Variants in ARHGEF4 observed in about 807,000 individuals in gnomAD.
The protein encoded by ARHGEF4 is Rho guanine nucleotide exchange factor 4.
In ARHGEF4, 119 loss-of-function variants were observed where a neutral mutation model predicts 162.0. The ratio of observed to expected loss-of-function variants is 0.73; its 90% CI spans 0.63 to 0.86. ARHGEF4 has a LOEUF of 0.86. ARHGEF4 is among the 40% of genes least tolerant of loss of function. The pLI is 0.00. For missense variants in ARHGEF4, 2,488 were observed against 2,456.0 expected, an observed-to-expected ratio of 1.01 and a Z score of -0.28; for synonymous variants, 1,014 against 979.9, an observed-to-expected ratio of 1.03 and a Z score of -0.65.
chr2:130,967,751 C>T (rs1254698627), intron 4 of ARHGEF4, among the ~76,000 whole-genome samples: 1 of 152,200 alleles, frequency 6.6e-6, no homozygotes, highest in Non-Finnish European at 1.5e-5. Flanking sequence ...GTGTGCTAAG[C>T]ACGCTGACAG....
At chr2:130,840,225 C>G (rs1424482610) in intron 1 of ARHGEF4, among the ~76,000 whole-genome samples, 2 of 152,178 alleles carry the variant, frequency 1.3e-5, no homozygotes, top group African/African-American at 2.4e-5. Flanking sequence ...CAGGTGCACA[C>G]ACACACATAG....
intron 1 of ARHGEF4, among the ~76,000 whole-genome samples, chr2:130,890,708 G>A (rs535317865): frequency 8.5e-5 from 13 of 152,058 alleles, no homozygotes; most frequent in African/African-American, 1.9e-4. Context: ...GCCTTTTATC[G>A]GAGTTTAAAT....
chr2:130,872,405 G>A (rs1011153826), intron 1 of ARHGEF4, among the ~76,000 whole-genome samples: 9 of 152,076 alleles, frequency 5.9e-5, no homozygotes, highest in African/African-American at 2.2e-4. Flanking sequence ...CCCAGCCCTG[G>A]TGGCTCCTGC....
At chr2:130,938,853 A>G (rs1313170152) in intron 3 of ARHGEF4, among the ~76,000 whole-genome samples, 1 of 152,092 alleles carries the variant, frequency 6.6e-6, no homozygotes. Flanking sequence ...TTTTTTCTAA[A>G]GTTTCATCAT....
intron 1 of ARHGEF4, among the ~76,000 whole-genome samples, chr2:130,907,246 T>G (rs1453577774): frequency 1.2e-4 from 1 of 8,066 alleles, no homozygotes. Context: ...AGAGTCTCGC[T>G]CTGGAGACTG....
chr2:130,874,729 A>G (rs1678711243), intron 1 of ARHGEF4, among the ~76,000 whole-genome samples: 1 of 152,162 alleles, frequency 6.6e-6, no homozygotes, highest in African/African-American at 2.4e-5. Flanking sequence ...CACATGGAAC[A>G]TTGCCATCAC....
In ARHGEF4 at chr2:130,860,726, A is replaced by T. The variant is rs1443360079; in HGVS notation, c.39+23734A>T. Among the ~76,000 whole-genome samples, 5 of 109,372 alleles carry T rather than the reference A, an allele frequency of 4.6e-5. 1 individual carries two copies. Among genetic ancestry groups the T allele is most frequent in the Non-Finnish European group, 5.1e-5 (3 of 59,182 alleles). 71.8% of individuals were successfully genotyped at this position (109,372 alleles called of 152,430 possible). ...CTCCATCTCAAAAAAATAAAAAAAT[A>T]AAAAAGTTAACATAATAAACTCTAT... On this transcript the variant is annotated intron_variant, in intron 1 of 13. Coordinates refer to ENST00000409359, the MANE Select transcript of ARHGEF4 (RefSeq NM_001367493.1).
At chr2:130,848,000 C>T (rs938104300) in intron 1 of ARHGEF4, among the ~76,000 whole-genome samples, 3 of 152,180 alleles carry the variant, frequency 2.0e-5, no homozygotes, top group African/African-American at 7.2e-5. Flanking sequence ...GTGGAGGCCA[C>T]GGGTGTGAGG....
chr2:130,902,975 T>G (rs1680581042), intron 1 of ARHGEF4, among the ~76,000 whole-genome samples: 1 of 152,210 alleles, frequency 6.6e-6, no homozygotes, highest in Non-Finnish European at 1.5e-5. Flanking sequence ...TTGTGTAATT[T>G]CCATTGTTCC....
At chr2:130,926,024 C>CTTTCTTTCTT in intron 2 of ARHGEF4, among the ~76,000 whole-genome samples, 1 of 103,690 alleles carries the variant, frequency 9.6e-6, no homozygotes, top group Non-Finnish European at 1.8e-5. Context: ...CTCTTTCTTT[C>CTTTCTTTCTT]TTTCTTTCTT....
chr2:131,024,183 G>A (rs1261953547), intron 4 of ARHGEF4, among the ~76,000 whole-genome samples: 1 of 151,840 alleles, frequency 6.6e-6, no homozygotes, highest in Non-Finnish European at 1.5e-5. Context: ...CTGGATGGAG[G>A]GTGCACAGTG....
At chr2:130,845,121 A>G (rs1208081785) in intron 1 of ARHGEF4, among the ~76,000 whole-genome samples, 1 of 147,200 alleles carries the variant, frequency 6.8e-6, no homozygotes, top group East Asian at 2.2e-4. Context: ...CCGGCCCGCT[A>G]TATTTTACTT....
chr2:130,995,108 TCAAA>T (rs1687291478), intron 4 of ARHGEF4, among the ~76,000 whole-genome samples: 2 of 152,250 alleles, frequency 1.3e-5, no homozygotes, highest in African/African-American at 4.8e-5. Flanking sequence ...GCCATTCTTT[TCAAA>T]CATTGCTTCC....
chr2:131,047,075 G>A lies in ARHGEF4; in HGVS notation c.*886G>A, dbSNP rs1458855455. 6 of 152,506 alleles carry A rather than the reference G, an allele frequency of 3.9e-5. No individual in the cohort carries two copies. The highest frequency in any genetic ancestry group is 1.4e-4 in the African/African-American group (6 of 41,468). 9.4% of individuals were successfully genotyped at this position (152,506 alleles called of 1,614,324 possible). A position where few individuals can be genotyped will look rare whatever the true frequency, so the allele number is the denominator to read the frequency against. On this transcript the variant is annotated 3_prime_UTR_variant, in exon 14 of 14. Coordinates refer to ENST00000409359, the MANE Select transcript of ARHGEF4 (RefSeq NM_001367493.1). ...GCACACAGGACTGACCCACAGCCCA[G>A]GCAGCGGGTGTGTGGAGATGGCGCC...
intron 4 of ARHGEF4, among the ~76,000 whole-genome samples, chr2:131,022,660 A>C (rs1416646995): frequency 1.8e-3 from 5 of 2,808 alleles, no homozygotes; most frequent in African/African-American, 1.3e-3. Flanking sequence ...CATTATACAA[A>C]AAAAAAAAAA....
intron 4 of ARHGEF4, among the ~76,000 whole-genome samples, chr2:130,994,592 GT>G (rs1687259462): frequency 6.6e-6 from 1 of 152,002 alleles, no homozygotes; most frequent in South Asian, 2.1e-4. Context: ...TAAAGTTCAT[GT>G]TCATTTATGT....
intron 4 of ARHGEF4, among the ~76,000 whole-genome samples, chr2:130,988,881 TATATATATATATATATATATAGAG>T (rs1686711824): frequency 7.4e-5 from 2 of 26,994 alleles, no homozygotes; most frequent in Admixed American, 5.4e-4. Flanking sequence ...TGTATATATA[TATATATATATATATATATATAGAG>T]AGAGAGAGAG....
chr2:130,839,932 G>T (rs1680492429), intron 1 of ARHGEF4, among the ~76,000 whole-genome samples: 1 of 152,126 alleles, frequency 6.6e-6, no homozygotes, highest in Non-Finnish European at 1.5e-5. Context: ...ACCTATTAGT[G>T]TGCAGAAGAC....
chr2:131,041,396 T>C lies in ARHGEF4; in HGVS notation c.4829T>C (p.Val1610Ala). 6.2e-7 allele frequency: 1 copy of C among 1,613,394 alleles called. No individual in the cohort carries two copies. Among genetic ancestry groups the C allele is most frequent in the South Asian group, 1.1e-5 (1 of 91,086 alleles). Residue 1610 changes from valine to alanine, a missense_variant, in exon 9 of 14, where the codon GTG (valine) becomes GCG (alanine). Val to Ala is a moderately conservative substitution (Grantham distance 64). This residue lies in a region of ARHGEF4 where 415 missense variants were observed against 512.4 expected (regional missense o/e 0.81). Coordinates refer to ENST00000409359, the MANE Select transcript of ARHGEF4 (RefSeq NM_001367493.1). ...ISLDGFLLTP[V>A]QKICKYPLQL... ...CTGGATGGCTTCCTGCTGACTCCGG[T>C]GCAGAAGATCTGCAAGTACCCTCTG...
Sources: allele counts gnomAD v4.1 joint callset (sites outside exome capture counted in the v4.1 genomes callset), GRCh38; gene constraint gnomAD v4.1.1; regional missense constraint gnomAD v4.1.1; transcripts MANE v1.5; gene names NCBI Gene and HGNC (gene_info 2026-07-23, HGNC 2026-07-21).